The following MAGI2 variants were observed in gnomAD, a reference collection of about 807,000 sequenced individuals.
MAGI2 encodes membrane associated guanylate kinase, WW and PDZ domain containing 2, also known as membrane-associated guanylate kinase, WW and PDZ domain-containing protein 2.
A neutral mutation model predicts 133.3 loss-of-function variants in MAGI2; 35 were observed. The ratio of observed to expected loss-of-function variants is 0.26; its 90% CI spans 0.20 to 0.35. The LOEUF (loss-of-function observed/expected upper bound fraction) is 0.35, where lower values mean the gene tolerates loss of function less well. Among genes scored for constraint, MAGI2 ranks in the 10% least tolerant of loss-of-function variants. MAGI2 has a pLI of 1.00. For missense variants in MAGI2, 1,636 were observed against 1,863.4 expected (o/e 0.88, Z 2.25); for synonymous variants, 729 against 710.6 (o/e 1.03, Z -0.41).
intron 6 of MAGI2, among the ~76,000 whole-genome samples, chr7:78,422,258 C>A (rs1798869983): frequency 1.3e-5 from 2 of 152,212 alleles, no homozygotes; most frequent in South Asian, 4.2e-4. Context: ...TGCGTATTCT[C>A]ATTTGTCACA....
intron 2 of MAGI2, among the ~76,000 whole-genome samples, chr7:78,881,802 G>C (rs148420332): frequency 3.8e-4 from 57 of 151,934 alleles, no homozygotes; most frequent in African/African-American, 1.3e-3. Context: ...AGCAAGAGGA[G>C]TGTTAAGAAA....
intron 6 of MAGI2, among the ~76,000 whole-genome samples, chr7:78,382,984 A>G (rs545118850): frequency 6.6e-6 from 1 of 152,222 alleles, no homozygotes; most frequent in East Asian, 1.9e-4. Flanking sequence ...GTGTATATAT[A>G]CCACGTTTTC....
intron 2 of MAGI2, among the ~76,000 whole-genome samples, chr7:78,634,628 A>T (rs1164503364): frequency 6.6e-6 from 1 of 152,238 alleles, no homozygotes; most frequent in African/African-American, 2.4e-5. Context: ...AAACAAGTTA[A>T]ATTTCTTGAA....
intron 9 of MAGI2, among the ~76,000 whole-genome samples, chr7:78,292,913 C>T (rs1796865333): frequency 6.6e-6 from 1 of 152,170 alleles, no homozygotes; most frequent in South Asian, 2.1e-4. Flanking sequence ...CCCTTCCTTA[C>T]ATCTTATACA....
chr7:79,240,046 T>C (rs1240023121), intron 1 of MAGI2, among the ~76,000 whole-genome samples: 3 of 152,202 alleles, frequency 2.0e-5, no homozygotes, highest in Non-Finnish European at 4.4e-5. Context: ...ACAGCTTCCA[T>C]AGCCAGTGCC....
intron 1 of MAGI2, among the ~76,000 whole-genome samples, chr7:79,449,897 T>TATATATATAA (rs1491494586): frequency 1.5e-4 from 20 of 132,316 alleles, no homozygotes; most frequent in South Asian, 1.2e-3. Flanking sequence ...TATATATATA[T>TATATATATAA]AATGTCTTAA....
intron 2 of MAGI2, among the ~76,000 whole-genome samples, chr7:78,824,559 T>C (rs1419054098): frequency 2.6e-5 from 4 of 152,234 alleles, no homozygotes; most frequent in African/African-American, 9.6e-5. Context: ...GTTTGTTGGC[T>C]GCATAAATAT....
intron 6 of MAGI2, among the ~76,000 whole-genome samples, chr7:78,464,723 T>C (rs1201863134): frequency 7.1e-6 from 1 of 140,904 alleles, no homozygotes; most frequent in African/African-American, 2.7e-5. Context: ...TTTTACAAAA[T>C]AAGAACCTGA....
chr7:79,121,729 T>G (rs1819923220), intron 1 of MAGI2, among the ~76,000 whole-genome samples: 1 of 152,172 alleles, frequency 6.6e-6, no homozygotes. Flanking sequence ...TTCTTTATAT[T>G]AAAAATACTA....
intron 3 of MAGI2, among the ~76,000 whole-genome samples, chr7:78,523,906 G>A (rs547811551): frequency 6.6e-5 from 10 of 152,046 alleles, no homozygotes; most frequent in Non-Finnish European, 7.4e-5. Context: ...AAACAAAGGA[G>A]CCCACTCCAG....
At chr7:78,091,422 T>A (rs1346910713) in intron 20 of MAGI2, among the ~76,000 whole-genome samples, 2 of 152,318 alleles carry the variant, frequency 1.3e-5, no homozygotes, top group Admixed American at 1.3e-4. Flanking sequence ...AAACCAGAAC[T>A]GTGAGAAATA....
At chr7:78,123,738 A>T (rs746732332) in intron 20 of MAGI2, among the ~76,000 whole-genome samples, 4 of 152,182 alleles carry the variant, frequency 2.6e-5, no homozygotes, top group African/African-American at 7.2e-5. Context: ...TTTGGATTGC[A>T]GTTGACACAG....
At chr7:78,546,211 A>C (rs1289621407) in intron 3 of MAGI2, among the ~76,000 whole-genome samples, 1 of 152,186 alleles carries the variant, frequency 6.6e-6, no homozygotes, top group East Asian at 1.9e-4. Context: ...ATTTAATGAG[A>C]TAAGCTTGAA....
intron 2 of MAGI2, among the ~76,000 whole-genome samples, chr7:78,843,866 G>C (rs909890506): frequency 6.6e-6 from 1 of 150,750 alleles, no homozygotes; most frequent in Non-Finnish European, 1.5e-5. Flanking sequence ...GTTTTTGAGG[G>C]TTGGCTTTCT....
chr7:78,460,137 CTTA>C (rs759990252), intron 6 of MAGI2, among the ~76,000 whole-genome samples: 1 of 152,216 alleles, frequency 6.6e-6, no homozygotes, highest in Non-Finnish European at 1.5e-5. Context: ...TGTGATCATA[CTTA>C]TTCTTCCAAT....
At chr7:78,710,864 T>A (rs1251939918) in intron 2 of MAGI2, among the ~76,000 whole-genome samples, 4 of 152,178 alleles carry the variant, frequency 2.6e-5, no homozygotes, top group Non-Finnish European at 4.4e-5. Context: ...AATTTGAGTT[T>A]AAGCCTGGCA....
At chr7:79,214,748 A>G (rs983387374) in intron 1 of MAGI2, among the ~76,000 whole-genome samples, 1 of 141,380 alleles carries the variant, frequency 7.1e-6, no homozygotes, top group Non-Finnish European at 1.5e-5. Context: ...TAAATATATA[A>G]ATACATATAT....
chr7:79,028,799 G>A (rs1377484884), intron 1 of MAGI2, among the ~76,000 whole-genome samples: 3 of 152,064 alleles, frequency 2.0e-5, no homozygotes, highest in Middle Eastern at 3.2e-3. Flanking sequence ...AGAGGGCTCA[G>A]ACATTACTAT....
intron 1 of MAGI2, among the ~76,000 whole-genome samples, chr7:79,236,948 G>A (rs886573148): frequency 6.6e-6 from 1 of 152,186 alleles, no homozygotes; most frequent in Non-Finnish European, 1.5e-5. Flanking sequence ...AGGAGACTGA[G>A]GTGGGAGGAT....
Sources: gnomAD v4.1 joint callset for allele counts (sites outside exome capture counted in the v4.1 genomes callset) on GRCh38, gnomAD v4.1.1 for gene constraint, MANE v1.5 for transcripts, NCBI Gene and HGNC (gene_info 2026-07-23, HGNC 2026-07-21) for gene names.